Variants in CDH10 observed in about 807,000 individuals in gnomAD.
CDH10 encodes cadherin 10.
A neutral mutation model predicts 73.1 loss-of-function variants in CDH10; 30 were observed. The observed-to-expected ratio is 0.41, with a 90% CI of 0.31 to 0.56. CDH10 has a LOEUF of 0.56. Among genes scored for constraint, CDH10 ranks in the 20% least tolerant of loss-of-function variants. CDH10 has a pLI of 0.27. For synonymous variants in CDH10, 345 were observed against 348.2 expected (o/e 0.99, Z 0.10); for missense variants, 815 against 973.7 (o/e 0.84, Z 2.17).
chr5:24,511,202 G>T, intron 6 of CDH10, 125 bp downstream of exon 6: 1 of 700,654 alleles, frequency 1.4e-6, no homozygotes, highest in South Asian at 1.9e-5. Flanking sequence ...TGTATGCACA[G>T]TATAAATTAC....
intron 2 of CDH10, among the ~76,000 whole-genome samples, chr5:24,573,904 A>C (rs1486562725): frequency 6.7e-6 from 1 of 149,692 alleles, no homozygotes. Flanking sequence ...TATATTTTTG[A>C]GACGGATTCT....
chr5:24,551,303 T>C (rs991166208), intron 2 of CDH10, among the ~76,000 whole-genome samples: 1 of 152,164 alleles, frequency 6.6e-6, no homozygotes, highest in Non-Finnish European at 1.5e-5. Flanking sequence ...TATTCCCTCT[T>C]GTTTCACTTG....
chr5:24,532,478 C>A (rs1162769284), intron 5 of CDH10, among the ~76,000 whole-genome samples: 1 of 151,998 alleles, frequency 6.6e-6, no homozygotes, highest in African/African-American at 2.4e-5. Flanking sequence ...GTGAAAATTA[C>A]TGGGACTCAC....
intron 2 of CDH10, among the ~76,000 whole-genome samples, chr5:24,549,134 T>C (rs550525847): frequency 6.6e-6 from 1 of 152,188 alleles, no homozygotes; most frequent in Non-Finnish European, 1.5e-5. Flanking sequence ...GTCGTATATA[T>C]AGAATATACA....
intron 5 of CDH10, among the ~76,000 whole-genome samples, chr5:24,530,892 A>G (rs1337953536): frequency 6.6e-6 from 1 of 152,106 alleles, no homozygotes; most frequent in Non-Finnish European, 1.5e-5. Context: ...CCATGAGACT[A>G]TAAAGATAAC....
chr5:24,621,705 C>T (rs1478347520), intron 1 of CDH10, among the ~76,000 whole-genome samples: 1 of 151,894 alleles, frequency 6.6e-6, no homozygotes, highest in Non-Finnish European at 1.5e-5. Flanking sequence ...CTCTCTCTCT[C>T]TTTCTCATCT....
At chr5:24,523,367 T>C (rs1398630780) in intron 5 of CDH10, among the ~76,000 whole-genome samples, 4 of 152,080 alleles carry the variant, frequency 2.6e-5, no homozygotes, top group Non-Finnish European at 5.9e-5. Flanking sequence ...CACATAGGCA[T>C]ACATACATGC....
At chr5:24,583,100 C>A (rs1745862673) in intron 2 of CDH10, among the ~76,000 whole-genome samples, 1 of 150,758 alleles carries the variant, frequency 6.6e-6, no homozygotes. Flanking sequence ...AATGTTAAAA[C>A]AATTACAGTG....
rs77971946 is a variant in CDH10, at chr5:24,500,407, T to C, written c.1394-1888A>G. On this transcript the variant is annotated intron_variant, in intron 8 of 11. Transcript: ENST00000264463. ...CTTTCTTCACCAATCCTTTTAAGTC[T>C]TACTGCAGTCTTCTGAACCCACATG... 2.1e-3 allele frequency among the ~76,000 whole-genome samples: 316 copies of C among 152,368 alleles called. 1 individual carries two copies. Among genetic ancestry groups the C allele is most frequent in the African/African-American group, 7.4e-3 (307 of 41,588 alleles).
At chr5:24,496,896 C>T (rs1742311779) in intron 9 of CDH10, among the ~76,000 whole-genome samples, 1 of 152,062 alleles carries the variant, frequency 6.6e-6, no homozygotes, top group Admixed American at 6.6e-5. Context: ...CCTATGAGAC[C>T]GAAGTGACAT....
intron 9 of CDH10, among the ~76,000 whole-genome samples, chr5:24,495,988 C>T (rs1458392199): frequency 1.3e-5 from 2 of 151,708 alleles, no homozygotes; most frequent in East Asian, 1.9e-4. Flanking sequence ...TTAAGGAATG[C>T]TTCAGTGATC....
chr5:24,511,535 AAGAGAGAGACAGAGAGAGAGAG>A, intron 5 of CDH10, 21 bp from the exon 6 acceptor site: 5 of 845,528 alleles, frequency 5.9e-6, no homozygotes, highest in Non-Finnish European at 7.4e-6. Context: ...TAAAGAAAAG[AAGAGAGAGACAGAGAGAGAGAG>A]AGAGAGAGAG....
chr5:24,589,932 C>A (rs183741432), intron 2 of CDH10, among the ~76,000 whole-genome samples: 1 of 151,940 alleles, frequency 6.6e-6, no homozygotes, highest in South Asian at 2.1e-4. Flanking sequence ...CCTTGAAGTT[C>A]AACATGTGAA....
chr5:24,515,354 T>C (rs1743067418), intron 5 of CDH10, among the ~76,000 whole-genome samples: 1 of 152,174 alleles, frequency 6.6e-6, no homozygotes, highest in African/African-American at 2.4e-5. Context: ...CAAAGTGTTC[T>C]TGAAGAAAGA....
chr5:24,620,159 T>C (rs1420567978), intron 1 of CDH10, among the ~76,000 whole-genome samples: 1 of 152,192 alleles, frequency 6.6e-6, no homozygotes, highest in African/African-American at 2.4e-5. Flanking sequence ...TCTTATCTCC[T>C]CACACGTTAA....
chr5:24,602,697 CTTT>C lies in CDH10; in HGVS notation c.-123-9087_-123-9085del, dbSNP rs539653196. Among the ~76,000 whole-genome samples, 11 of 152,178 alleles carry C rather than the reference CTTT, an allele frequency of 7.2e-5. No individual in the cohort carries two copies. The South Asian group carries it at 2.3e-3, about 32-fold the overall frequency. ...ACTGAGTTAATCAAAGAAAAAATTTCTTTTTGAGTTTATTTTAACTTACTCTCC... is the reference window on the plus strand; with the variant it reads ...ACTGAGTTAATCAAAGAAAAAATTTCTTGAGTTTATTTTAACTTACTCTCC... On this transcript the variant is annotated intron_variant, in intron 1 of 11. Transcript: ENST00000264463.
intron 1 of CDH10, among the ~76,000 whole-genome samples, chr5:24,636,730 C>T (rs1214703122): frequency 2.0e-5 from 3 of 151,742 alleles, no homozygotes; most frequent in Admixed American, 6.6e-5. Context: ...TACATTTGGC[C>T]TCCTGATACA....
chr5:24,633,434 C>A (rs1747768275), intron 1 of CDH10, among the ~76,000 whole-genome samples: 1 of 151,858 alleles, frequency 6.6e-6, no homozygotes, highest in South Asian at 2.1e-4. Context: ...AATGAACCCA[C>A]TGAAAAATGC....
chr5:24,603,567 A>G (rs1435837670), intron 1 of CDH10, among the ~76,000 whole-genome samples: 3 of 152,194 alleles, frequency 2.0e-5, no homozygotes, highest in East Asian at 3.9e-4. Context: ...AGATTTTTTA[A>G]AACTATGACC....
Sources: allele counts gnomAD v4.1 joint callset (sites outside exome capture counted in the v4.1 genomes callset), GRCh38; gene constraint gnomAD v4.1.1; transcripts MANE v1.5; gene names NCBI Gene and HGNC (gene_info 2026-07-23, HGNC 2026-07-21).